Variants in AP1G1 observed in about 807,000 individuals in gnomAD.
AP1G1 encodes the protein adaptor related protein complex 1 subunit gamma 1.
Under a neutral mutation model 108.3 loss-of-function variants are expected in AP1G1, and 7 were observed. That is an observed-to-expected ratio of 0.06 (90% CI 0.04 to 0.12). The LOEUF is 0.12. Ranked by LOEUF, AP1G1 falls within the 10% of genes least tolerant of loss-of-function variation. The pLI, the probability that AP1G1 is intolerant of heterozygous loss-of-function variation, is 1.00. For synonymous variants in AP1G1, 379 were observed against 353.5 expected, an observed-to-expected ratio of 1.07 and a Z score of -0.81; for missense variants, 756 against 1,010.7, an observed-to-expected ratio of 0.75 and a Z score of 3.42.
At chr16:71,779,616 A>T (rs1025553244) in intron 2 of AP1G1, among the ~76,000 whole-genome samples, 1 of 152,154 alleles carries the variant, frequency 6.6e-6, no homozygotes, top group African/African-American at 2.4e-5. Flanking sequence ...CTGGTATTAC[A>T]GGTGTGAGCA....
intron 16 of AP1G1, 120 bp from the exon 17 acceptor site, chr16:71,746,812 A>C: frequency 1.5e-6 from 1 of 662,738 alleles, no homozygotes; most frequent in Admixed American, 3.0e-5. Flanking sequence ...TTTTTTCTTA[A>C]TTTATATAGT....
chr16:71,763,614 C>T (rs1403930242), intron 9 of AP1G1, among the ~76,000 whole-genome samples: 17 of 151,942 alleles, frequency 1.1e-4, no homozygotes, highest in Admixed American at 9.2e-4. Context: ...AAGTATGGTG[C>T]GAACAATATA....
chr16:71,736,598 A>T (rs565743320), intron 21 of AP1G1, among the ~76,000 whole-genome samples: 13 of 70,710 alleles, frequency 1.8e-4, no homozygotes, highest in African/African-American at 6.4e-4. Context: ...TTATTTATTT[A>T]TTTTTTGAGA....
chr16:71,773,013 AGG>A, intron 4 of AP1G1: 1 of 667,908 alleles, frequency 1.5e-6, no homozygotes, highest in Non-Finnish European at 2.7e-6. Flanking sequence ...TATGCCACCT[AGG>A]ATATATCCAG....
rs1480684980 is a variant in AP1G1, at chr16:71,750,232, G to A, written c.1385C>T (p.Ala462Val). The change falls in exon 14 of 23, where the codon GCA becomes GTA. Residue 462 changes from alanine (A) to valine (V), a missense_variant. Ala to Val is a moderately conservative substitution (Grantham distance 64). Transcript: ENST00000299980. ...TACTTGAGAATAATCACCAAGAATT[G>A]CTTTGTACAGGCGCTGGACAGTATA... ...HAYTVQRLYKAILGDYSQQPL... is the reference protein window; with the variant it reads ...HAYTVQRLYKVILGDYSQQPL... 1 of 1,613,976 alleles carries A rather than the reference G, an allele frequency of 6.2e-7. No homozygotes were observed. Among genetic ancestry groups the A allele is most frequent in the Admixed American group, 1.7e-5 (1 of 59,990 alleles).
chr16:71,756,157 C>G lies in AP1G1; in HGVS notation c.1091G>C (p.Arg364Pro), dbSNP rs1269321019. The G allele has an allele frequency of 1.9e-6, 3 of 1,606,298 alleles. No individual in the cohort carries two copies. The highest frequency in any genetic ancestry group is 1.7e-6 in the Non-Finnish European group (2 of 1,177,654). ...LKDLDVSIKR[R>P]AMELSFALVN... ...CAGGGCAAAACTCAATTCCATTGCA[C>G]GCCTTGCAGAAGGGAAAAATTAAAA... Residue 364 changes from arginine to proline, a missense_variant and splice_region_variant, in exon 12 of 23, where the codon CGT (arginine) becomes CCT (proline). This residue lies in a region of AP1G1 where 304 missense variants were observed against 483.6 expected (regional missense o/e 0.63). Transcript: ENST00000299980.
intron 2 of AP1G1, among the ~76,000 whole-genome samples, chr16:71,787,236 T>C (rs958247968): frequency 2.0e-5 from 3 of 149,466 alleles, no homozygotes; most frequent in Non-Finnish European, 4.4e-5. Context: ...GAAGAATCTT[T>C]TGAACCCAGT....
At chr16:71,774,615 AG>A (rs2031705341) in intron 2 of AP1G1, 23 bp from the exon 3 acceptor site, 1 of 1,551,756 alleles carries the variant, frequency 6.4e-7, no homozygotes, top group Non-Finnish European at 8.6e-7. Context: ...AAAAAAAAAA[AG>A]AAGGAAATTA....
In AP1G1 at chr16:71,738,879, AT is replaced by A. The variant is rs1358711840; in HGVS notation, c.2268+62del. 1.1e-5 allele frequency: 15 copies of A among 1,410,182 alleles called. No homozygotes were observed. The African/African-American group carries it at 2.1e-4, about 19-fold the overall frequency. 87.4% of individuals were successfully genotyped at this position (1,410,182 alleles called of 1,614,324 possible). On this transcript the variant is annotated intron_variant, in intron 21 of 22. Coordinates refer to ENST00000299980, the MANE Select transcript of AP1G1 (RefSeq NM_001128.6). ...TTAAAACATATCCTTTACCAAACAC[AT>A]GAAAAAAAAAAGCCAGCCAATCTTT...
chr16:71,740,183 G>A (rs138658682), intron 19 of AP1G1, among the ~76,000 whole-genome samples: 1 of 152,298 alleles, frequency 6.6e-6, no homozygotes, highest in Non-Finnish European at 1.5e-5. Context: ...TTAAACTGAG[G>A]TTTCTCAACC....
chr16:71,765,622 T>C (rs762257222), intron 6 of AP1G1, 38 bp from the exon 7 acceptor site: 56 of 1,502,008 alleles, frequency 3.7e-5, no homozygotes, highest in African/African-American at 2.5e-4. Flanking sequence ...ACAGTGAATA[T>C]TGAAGAATGT....
At chr16:71,763,073 G>A (rs889857138) in intron 9 of AP1G1, among the ~76,000 whole-genome samples, 49 of 152,138 alleles carry the variant, frequency 3.2e-4, no homozygotes, top group African/African-American at 8.7e-4. Context: ...CACATATGGC[G>A]TCAGAAGTGA....
chr16:71,766,014 T>C (rs980312498), intron 6 of AP1G1, among the ~76,000 whole-genome samples: 3 of 152,142 alleles, frequency 2.0e-5, no homozygotes, highest in African/African-American at 7.2e-5. Flanking sequence ...CAACTAGTGA[T>C]CTTATTAAAA....
chr16:71,798,795 G>T (rs2032678503), intron 1 of AP1G1, among the ~76,000 whole-genome samples: 1 of 151,896 alleles, frequency 6.6e-6, no homozygotes, highest in Admixed American at 6.6e-5. Flanking sequence ...AGCTGAGGCA[G>T]GAGAATTGCT....
chr16:71,771,135 A>G (rs747770563), intron 5 of AP1G1, 21 bp downstream of exon 5: 24 of 1,441,970 alleles, frequency 1.7e-5, no homozygotes, highest in Non-Finnish European at 1.9e-5. Flanking sequence ...ATACTTCATG[A>G]ATACATCCAA....
chr16:71,797,221 G>A (rs1046222708), intron 1 of AP1G1, among the ~76,000 whole-genome samples: 19 of 151,776 alleles, frequency 1.3e-4, no homozygotes, highest in African/African-American at 2.9e-4. Context: ...TTCTCAAAAC[G>A]AAAATTTGGC....
chr16:71,807,852 A>G, intron 1 of AP1G1: 6 of 1,288,888 alleles, frequency 4.7e-6, no homozygotes, highest in Non-Finnish European at 6.1e-6. Flanking sequence ...AGGGATATAT[A>G]ATAGGGGAGA....
At chr16:71,759,891 C>T (rs2030996819) in intron 10 of AP1G1, among the ~76,000 whole-genome samples, 1 of 151,804 alleles carries the variant, frequency 6.6e-6, no homozygotes, top group Non-Finnish European at 1.5e-5. Flanking sequence ...TTAAGGCTGC[C>T]TTTCCCCCAA....
chr16:71,747,627 G>A (rs1293484258), intron 16 of AP1G1, among the ~76,000 whole-genome samples: 1 of 151,706 alleles, frequency 6.6e-6, no homozygotes, highest in African/African-American at 2.4e-5. Context: ...ACCTTTATAT[G>A]GGGAAGTAGA....
Sources: gnomAD v4.1 joint callset for allele counts (sites outside exome capture counted in the v4.1 genomes callset) on GRCh38, gnomAD v4.1.1 for gene constraint, gnomAD v4.1.1 regional missense constraint, MANE v1.5 for transcripts, NCBI Gene and HGNC (gene_info 2026-07-23, HGNC 2026-07-21) for gene names.